Variants in DPYD observed in about 807,000 individuals in gnomAD.
DPYD encodes dihydropyrimidine dehydrogenase.
Under a neutral mutation model 116.2 loss-of-function variants are expected in DPYD, and 109 were observed. That is an observed-to-expected ratio of 0.94 (90% CI 0.80 to 1.10). DPYD has a LOEUF of 1.10. DPYD is among the 50% of genes least tolerant of loss of function. The probability of loss-of-function intolerance (pLI) is 0.00; values close to 1 mark genes in which losing one functional copy is unlikely to be tolerated. For missense variants in DPYD, 1,302 were observed against 1,254.5 expected (o/e 1.04, Z -0.57); for synonymous variants, 440 against 432.0 (o/e 1.02, Z -0.23).
chr1:97,897,954 TATAA>T (rs1231521561), intron 1 of DPYD, among the ~76,000 whole-genome samples: 2 of 151,844 alleles, frequency 1.3e-5, no homozygotes, highest in African/African-American at 2.4e-5. Context: ...TTCGCATTCC[TATAA>T]ATGTTTTTGA....
At chr1:97,264,539 G>A (rs1046919764) in intron 18 of DPYD, among the ~76,000 whole-genome samples, 4 of 152,040 alleles carry the variant, frequency 2.6e-5, no homozygotes, top group Middle Eastern at 3.4e-3. Context: ...AAACAATACC[G>A]TTTCCATTAA....
chr1:97,531,909 T>C (rs1649655045), intron 12 of DPYD, among the ~76,000 whole-genome samples: 1 of 152,136 alleles, frequency 6.6e-6, no homozygotes, highest in African/African-American at 2.4e-5. Flanking sequence ...TTCTTAATTT[T>C]TTGGATAGTT....
intron 20 of DPYD, among the ~76,000 whole-genome samples, chr1:97,189,073 T>C (rs149845547): frequency 9.2e-5 from 14 of 152,224 alleles, no homozygotes; most frequent in Non-Finnish European, 1.9e-4. Flanking sequence ...TCAACATTCA[T>C]TTAGTCATCA....
chr1:97,343,655 A>G (rs534038280), intron 16 of DPYD, among the ~76,000 whole-genome samples: 125 of 152,176 alleles, frequency 8.2e-4, no homozygotes, highest in Admixed American at 3.9e-3. Context: ...GTTACCAGCT[A>G]GAGGGTAGAA....
intron 20 of DPYD, among the ~76,000 whole-genome samples, chr1:97,166,389 G>A (rs553615479): frequency 4.6e-5 from 7 of 152,060 alleles, no homozygotes. Context: ...CACAAAGAAG[G>A]GAACAGACAC....
At chr1:97,182,123 T>C (rs1657688755) in intron 20 of DPYD, among the ~76,000 whole-genome samples, 1 of 152,102 alleles carries the variant, frequency 6.6e-6, no homozygotes, top group African/African-American at 2.4e-5. Context: ...ATTGACTTAT[T>C]TGTGGGATCA....
intron 3 of DPYD, among the ~76,000 whole-genome samples, chr1:97,751,472 A>ATG (rs1664914734): frequency 8.8e-6 from 1 of 113,958 alleles, no homozygotes. Context: ...ATATATATAT[A>ATG]TATATATATA....
intron 20 of DPYD, among the ~76,000 whole-genome samples, chr1:97,140,136 C>A (rs1570535055): frequency 6.6e-6 from 1 of 151,934 alleles, no homozygotes; most frequent in Non-Finnish European, 1.5e-5. Context: ...CATGGACATG[C>A]CCCTGGGTGC....
intron 14 of DPYD, among the ~76,000 whole-genome samples, chr1:97,391,145 T>C (rs561733095): frequency 2.6e-5 from 4 of 151,608 alleles, no homozygotes; most frequent in African/African-American, 9.7e-5. Context: ...TTAGTCTCAT[T>C]TCACATGCAT....
rs1660184996 is a variant in DPYD, at chr1:97,213,569, T to A, written c.2443-20321A>T. Among the ~76,000 whole-genome samples the A allele has an allele frequency of 4.6e-5, 7 of 152,290 alleles. No homozygotes were observed. The South Asian group carries it at 1.4e-3, about 32-fold the overall frequency. On this transcript the variant is annotated intron_variant, in intron 19 of 22. Coordinates refer to ENST00000370192, the MANE Select transcript of DPYD (RefSeq NM_000110.4). The stretch of plus-strand genomic sequence containing the variant: ...GATTTTAAATGACAATTAGAATGGT[T>A]AAAACTTCTAAATGGTCAGATTGAC...
chr1:97,654,466 C>T (rs997261596), intron 8 of DPYD, among the ~76,000 whole-genome samples: 4 of 151,956 alleles, frequency 2.6e-5, no homozygotes, highest in African/African-American at 7.2e-5. Flanking sequence ...CATTATGGGA[C>T]CCTTTAATAT....
At chr1:97,383,658 C>T (rs1294804036) in intron 14 of DPYD, among the ~76,000 whole-genome samples, 1 of 152,014 alleles carries the variant, frequency 6.6e-6, no homozygotes, top group African/African-American at 2.4e-5. Context: ...GCAATGACAC[C>T]TGACAGTCAT....
intron 13 of DPYD, among the ~76,000 whole-genome samples, chr1:97,489,906 G>T (rs1678872299): frequency 6.6e-6 from 1 of 152,108 alleles, no homozygotes; most frequent in Non-Finnish European, 1.5e-5. Flanking sequence ...TCTAGAAATA[G>T]CCTTTAACAT....
intron 9 of DPYD, 67 bp from the exon 10 acceptor site, chr1:97,593,454 T>C (rs1178490096): frequency 1.4e-5 from 22 of 1,577,538 alleles, no homozygotes; most frequent in Non-Finnish European, 1.8e-5. Context: ...GCTCAAAAGA[T>C]ACTTGTACTC....
intron 20 of DPYD, among the ~76,000 whole-genome samples, chr1:97,117,171 T>C (rs561532763): frequency 3.4e-5 from 5 of 148,132 alleles, no homozygotes; most frequent in African/African-American, 9.9e-5. Context: ...AAAAAAAAAA[T>C]GCAACTCCAG....
intron 3 of DPYD, among the ~76,000 whole-genome samples, chr1:97,800,943 C>G (rs1667816705): frequency 2.0e-5 from 3 of 151,964 alleles, no homozygotes; most frequent in Non-Finnish European, 4.4e-5. Flanking sequence ...CTCCTCTGCA[C>G]AGCCAAAAAG....
At chr1:97,164,169 TA>T in intron 20 of DPYD, among the ~76,000 whole-genome samples, 1 of 152,208 alleles carries the variant, frequency 6.6e-6, no homozygotes, top group Non-Finnish European at 1.5e-5. Flanking sequence ...GAACTAAAGA[TA>T]AAAACCACAT....
intron 4 of DPYD, 32 bp downstream of exon 4, chr1:97,740,360 A>G (rs1479577124): frequency 1.3e-6 from 2 of 1,544,686 alleles, no homozygotes; most frequent in African/African-American, 2.7e-5. Context: ...AAATACTGTT[A>G]TTTTCATTTG....
intron 3 of DPYD, among the ~76,000 whole-genome samples, chr1:97,786,997 T>C (rs930208807): frequency 6.6e-6 from 1 of 152,150 alleles, no homozygotes; most frequent in African/African-American, 2.4e-5. Context: ...TTCTCTGGCT[T>C]TGAGGAAAAA....
Sources: allele counts gnomAD v4.1 joint callset (sites outside exome capture counted in the v4.1 genomes callset), GRCh38; gene constraint gnomAD v4.1.1; transcripts MANE v1.5; gene names NCBI Gene and HGNC (gene_info 2026-07-23, HGNC 2026-07-21).